PANK1: variants seen among roughly 807,000 people sequenced by gnomAD.
PANK1 encodes pantothenate kinase 1.
A neutral mutation model predicts 40.1 loss-of-function variants in PANK1; 18 were observed. The ratio of observed to expected loss-of-function variants is 0.45; its 90% CI spans 0.31 to 0.67. The LOEUF is 0.67. Ranked by LOEUF, PANK1 falls within the 30% of genes least tolerant of loss-of-function variation. The probability of loss-of-function intolerance (pLI) is 0.06; values close to 1 mark genes in which losing one functional copy is unlikely to be tolerated. For synonymous variants in PANK1, 242 were observed against 237.7 expected (o/e 1.02, Z -0.17); for missense variants, 457 against 599.6 (o/e 0.76, Z 2.48).
chr10:89,609,825 A>T (rs1388249858), intron 2 of PANK1, among the ~76,000 whole-genome samples: 1 of 152,226 alleles, frequency 6.6e-6, no homozygotes, highest in Non-Finnish European at 1.5e-5. Context: ...TAGAACCTTG[A>T]GAAATACACC....
chr10:89,627,747 A>AGG (rs10657757), intron 1 of PANK1, among the ~76,000 whole-genome samples: 10,091 of 152,262 alleles, frequency 0.066, 568 homozygotes, highest in African/African-American at 0.15. Flanking sequence ...TACTAATGGT[A>AGG]GCTCTATGTA....
chr10:89,580,499 A>C (rs1844032621), downstream of PANK1: 1 of 152,284 alleles, frequency 6.6e-6, no homozygotes, highest in Non-Finnish European at 1.5e-5. Flanking sequence ...GCTATAGCAA[A>C]GAGCTTCCAG....
chr10:89,608,117 T>C (rs7076782), intron 2 of PANK1, among the ~76,000 whole-genome samples: 85,129 of 150,420 alleles, frequency 0.57, 24,534 homozygotes, highest in South Asian at 0.63. Context: ...CTGCAAGCTC[T>C]GCCTCCTGGG....
At chr10:89,629,736 T>C (rs1229616841) in intron 1 of PANK1, among the ~76,000 whole-genome samples, 1 of 152,254 alleles carries the variant, frequency 6.6e-6, no homozygotes, top group Non-Finnish European at 1.5e-5. Flanking sequence ...CATTTATTTC[T>C]GTACTTTATT....
intron 5 of PANK1, among the ~76,000 whole-genome samples, chr10:89,592,268 C>T (rs1385998949): frequency 6.6e-6 from 1 of 152,138 alleles, no homozygotes; most frequent in African/African-American, 2.4e-5. Context: ...AACTCAAAGG[C>T]AGGGCTAACA....
At chr10:89,594,047 C>T in intron 3 of PANK1, 58 bp from the exon 4 acceptor site, 1 of 1,236,744 alleles carries the variant, frequency 8.1e-7, no homozygotes, top group Non-Finnish European at 1.2e-6. Context: ...CCATCCAAGT[C>T]CCCAACTACG....
rs1844089676 is a variant in PANK1 at position 89,583,240 on chromosome 10, T to C, written c.*1166A>G. ...TTTGAAAGTTACCCATCAGTCTTAA[T>C]GAAATCTTTCAAAAAGAAAAAATAT... On this transcript the variant is annotated 3_prime_UTR_variant, in exon 7 of 7. Transcript: ENST00000307534. 1 of 152,170 alleles carries C rather than the reference T, an allele frequency of 6.6e-6. No individual in the cohort carries two copies. Among genetic ancestry groups the C allele is most frequent in the South Asian group, 2.1e-4 (1 of 4,820 alleles). The allele number at this position is 152,170 out of a possible 1,614,324, so 9.4% of individuals were successfully genotyped here. A position where few individuals can be genotyped will look rare whatever the true frequency, so the allele number is the denominator to read the frequency against.
chr10:89,631,359 C>A (rs1841635461), intron 1 of PANK1, among the ~76,000 whole-genome samples: 1 of 152,124 alleles, frequency 6.6e-6, no homozygotes, highest in African/African-American at 2.4e-5. Context: ...CCTCTTGTGG[C>A]TAAATTAAAA....
chr10:89,604,507 C>CA (rs900447483), intron 2 of PANK1, among the ~76,000 whole-genome samples: 2 of 152,008 alleles, frequency 1.3e-5, no homozygotes, highest in Admixed American at 1.3e-4. Flanking sequence ...GCCTGGCCAA[C>CA]ATGGTAAGAC....
intron 3 of PANK1, among the ~76,000 whole-genome samples, chr10:89,594,333 T>G (rs1029850195): frequency 6.6e-6 from 1 of 152,200 alleles, no homozygotes; most frequent in Non-Finnish European, 1.5e-5. Context: ...TCTCTTCTAT[T>G]TGGGTGGTCT....
intron 1 of PANK1, among the ~76,000 whole-genome samples, chr10:89,617,891 A>G (rs1845367342): frequency 6.6e-6 from 1 of 152,234 alleles, no homozygotes; most frequent in Non-Finnish European, 1.5e-5. Flanking sequence ...AGAAACTGCA[A>G]TCTCACACCT....
chr10:89,644,197 G>C lies in PANK1; in HGVS notation c.292+403C>G, dbSNP rs957201908. Among the ~76,000 whole-genome samples the C allele has an allele frequency of 2.0e-5, 3 of 152,154 alleles. No homozygotes were observed. The South Asian group carries it at 6.2e-4, about 32-fold the overall frequency. The stretch of plus-strand genomic sequence containing the variant: ...GTAGGACGCGCTCAGAGAAGCGAGA[G>C]GGGTGAGAAAGGAGAGAGCACCCTC... On this transcript the variant is annotated intron_variant, in intron 1 of 6. Coordinates refer to ENST00000307534, the MANE Select transcript of PANK1 (RefSeq NM_148977.3).
At chr10:89,612,860 G>A (rs1252985938) in intron 1 of PANK1, among the ~76,000 whole-genome samples, 2 of 152,108 alleles carry the variant, frequency 1.3e-5, no homozygotes, top group Admixed American at 6.5e-5. Flanking sequence ...TTCAGGCATG[G>A]CATCCAGACA....
rs544956224 is a variant in PANK1 at position 89,598,026 on chromosome 10, T to C, written c.899+1226A>G. Among the ~76,000 whole-genome samples the C allele has an allele frequency of 9.2e-5, 14 of 152,358 alleles. No individual in the cohort carries two copies. The East Asian group carries it at 2.5e-3, about 27-fold the overall frequency. On this transcript the variant is annotated intron_variant, in intron 3 of 6. Coordinates refer to ENST00000307534, the MANE Select transcript of PANK1 (RefSeq NM_148977.3). Reference sequence around the variant, plus strand: ...GTGTGTGTTTGTGTGTGTACATGCATGCCAGGGTTTCTCAACAGCAGCATT... The same window carrying C: ...GTGTGTGTTTGTGTGTGTACATGCACGCCAGGGTTTCTCAACAGCAGCATT...
At chr10:89,606,216 G>A (rs11185783) in intron 2 of PANK1, among the ~76,000 whole-genome samples, 7,307 of 152,174 alleles carry the variant, frequency 0.048, 222 homozygotes, top group African/African-American at 0.086. Flanking sequence ...TCAAGTCACC[G>A]GCTGCATTAG....
At position 89,593,951 on chromosome 10, in the gene PANK1, A is replaced by C; in HGVS notation, c.938T>G (p.Leu313Arg). Residue 313 changes from leucine (L) to arginine (R), a missense_variant, in exon 4 of 7, where the codon CTG (leucine) becomes CGG (arginine). Transcript: ENST00000307534. Reference sequence around the variant, plus strand: ...TTCTTCAAAGGTCTCACAACCAGTCAGCAAGCAACATAGGCCTAGGAATGT... The same window carrying C: ...TTCTTCAAAGGTCTCACAACCAGTCCGCAAGCAACATAGGCCTAGGAATGT... ...GGTFLGLCCLLTGCETFEEAL... is the reference protein window; with the variant it reads ...GGTFLGLCCLRTGCETFEEAL... 1 of 1,613,896 alleles carries C rather than the reference A, an allele frequency of 6.2e-7. No individual in the cohort carries two copies. The highest frequency in any genetic ancestry group is 8.5e-7 in the Non-Finnish European group (1 of 1,179,754).
intron 6 of PANK1, among the ~76,000 whole-genome samples, chr10:89,585,873 C>G (rs1330993393): frequency 2.6e-5 from 4 of 152,112 alleles, no homozygotes; most frequent in Non-Finnish European, 5.9e-5. Flanking sequence ...CCCGCGTAAG[C>G]CAGAGGGAAT....
chr10:89,582,120 T>G (rs1844062659), downstream of PANK1: 1 of 152,238 alleles, frequency 6.6e-6, no homozygotes. Context: ...ATTTGTCCCA[T>G]TTTATAGGTG....
intron 2 of PANK1, among the ~76,000 whole-genome samples, chr10:89,608,218 A>G (rs1468651864): frequency 6.6e-6 from 1 of 151,964 alleles, no homozygotes; most frequent in East Asian, 1.9e-4. Flanking sequence ...TTTTTAGTAG[A>G]GGCGGGGTTT....
Sources: allele counts gnomAD v4.1 joint callset (sites outside exome capture counted in the v4.1 genomes callset), GRCh38; gene constraint gnomAD v4.1.1; transcripts MANE v1.5; gene names NCBI Gene and HGNC (gene_info 2026-07-23, HGNC 2026-07-21).